DNAH10: variants seen among roughly 807,000 people sequenced by gnomAD.
DNAH10 encodes the protein axonemal beta dynein heavy chain 10.
In DNAH10, 348 loss-of-function variants were observed where a neutral mutation model predicts 506.6. The observed-to-expected ratio is 0.69, with a 90% confidence interval of 0.63 to 0.75. DNAH10 has a LOEUF of 0.75. Among genes scored for constraint, DNAH10 ranks in the 30% least tolerant of loss-of-function variants. The pLI, the probability that DNAH10 is intolerant of heterozygous loss-of-function variation, is 0.00. For synonymous variants in DNAH10, 2,059 were observed against 2,198.6 expected, an observed-to-expected ratio of 0.94 and a Z score of 1.78; for missense variants, 5,179 against 5,787.1, an observed-to-expected ratio of 0.89 and a Z score of 3.41.
At chr12:123,911,031 C>A (rs944737494) in intron 59 of DNAH10, among the ~76,000 whole-genome samples, 3 of 151,574 alleles carry the variant, frequency 2.0e-5, no homozygotes, top group Non-Finnish European at 2.9e-5. Context: ...CATAGTGAGA[C>A]CCTGTCTCTA....
At position 123,848,853 on chromosome 12, in the gene DNAH10, G is replaced by T. The variant is rs1951055824; in HGVS notation, c.6073G>T (p.Ala2025Ser). ...ISSQIQTIRN[A>S]LIHQLTTFQF... ...CTCCCAGATCCAGACGATCCGAAAT[G>T]CTCTGATCCATCAGTTAACCACGTT... The change falls in exon 34 of 79, where the codon GCT becomes TCT. Residue 2025 changes from alanine (A) to serine (S), a missense_variant. Around this residue, in one of 3 missense-constraint regions of DNAH10, gnomAD observed 4,844 missense variants for 5,430.5 expected, o/e 0.89. Transcript: ENST00000673944. 6.2e-7 allele frequency: 1 copy of T among 1,613,714 alleles called. No individual in the cohort carries two copies. The highest frequency in any genetic ancestry group is 1.3e-5 in the African/African-American group (1 of 74,898).
chr12:123,849,329 A>AG (rs1184991361), intron 34 of DNAH10, among the ~76,000 whole-genome samples: 2 of 152,248 alleles, frequency 1.3e-5, no homozygotes, highest in Admixed American at 1.3e-4. Context: ...AGGTTATCAA[A>AG]GTGAGAAGGC....
intron 71 of DNAH10, 27 bp downstream of exon 71, chr12:123,929,511 A>C: frequency 6.2e-7 from 1 of 1,606,708 alleles, no homozygotes; most frequent in Non-Finnish European, 8.5e-7. Context: ...CTCCTTGGAA[A>C]TGGCTTCCTT....
At position 123,857,151 on chromosome 12, in the gene DNAH10, T is replaced by A. The variant is rs1353202315; in HGVS notation, c.6534T>A (p.Phe2178Leu). The change falls in exon 37 of 79, where the codon TTT becomes TTA. Residue 2178 changes from phenylalanine to leucine, a missense_variant. Around this residue, in one of 3 missense-constraint regions of DNAH10, gnomAD observed 4,844 missense variants for 5,430.5 expected, o/e 0.89. Coordinates refer to ENST00000673944, the MANE Select transcript of DNAH10 (RefSeq NM_001372106.1). ...PLFLGLISDL[F>L]PGLDCPRVRY... ...TCCTTGGTTTGATTTCGGATCTGTT[T>A]CCTGGGCTGGACTGCCCTCGCGTCC... 6.2e-7 allele frequency: 1 copy of A among 1,611,376 alleles called. No individual in the cohort carries two copies. The highest frequency in any genetic ancestry group is 8.5e-7 in the Non-Finnish European group (1 of 1,178,842).
rs746325887 is a variant in DNAH10, at chr12:123,868,052, C to CA, written c.7455dup (p.Arg2486ThrfsTer9). 1.9e-6 allele frequency: 3 copies of CA among 1,613,980 alleles called. No homozygotes were observed. Among genetic ancestry groups the CA allele is most frequent in the Admixed American group, 3.3e-5 (2 of 60,020 alleles). On this transcript the variant is annotated frameshift_variant, in exon 43 of 79. Coordinates refer to ENST00000673944, the MANE Select transcript of DNAH10 (RefSeq NM_001372106.1). LOFTEE classifies it high-confidence loss of function. ...GAAGGATGAAATTTGACGAATATAT[C>CA]AAACGCCTTGCTTCTTTGTCTACTG...
Position 123,916,875 on chromosome 12 carries a change from C to G in DNAH10, c.11002+139C>G. 1 of 1,104,132 alleles carries G rather than the reference C, an allele frequency of 9.1e-7. No homozygotes were observed. The allele number at this position is 1,104,132 out of a possible 1,614,324, so 68.4% of individuals were successfully genotyped here. A position where few individuals can be genotyped will look rare whatever the true frequency, so the allele number is the denominator to read the frequency against. On this transcript the variant is annotated intron_variant, in intron 63 of 78. Coordinates refer to ENST00000673944, the MANE Select transcript of DNAH10 (RefSeq NM_001372106.1). This position sits in a 1 kb window ranked among gnomAD's most constrained non-coding sequence, Gnocchi z 4.6. ...TCATAGGCACATCTGGACTAGTCAG[C>G]TCTTACCAATTAGGTACCACTTAGA...
rs998819946 is a variant in DNAH10 at position 123,822,742 on chromosome 12, TGGTATA to T, written c.4179+1986_4179+1991del. On this transcript the variant is annotated intron_variant, in intron 24 of 78. Transcript: ENST00000673944. ...CAAGCTAGAGACCCTGGAGAGCTGA[TGGTATA>T]GATTCTAGTCTGAGTCCAAGTCCGA... is the stretch of plus-strand genomic sequence containing the variant. Among the ~76,000 whole-genome samples, 11 of 152,294 alleles carry T rather than the reference TGGTATA, an allele frequency of 7.2e-5. No homozygotes were observed. In the East Asian group the frequency reaches 2.1e-3, roughly 29 times the overall value.
At position 123,785,858 on chromosome 12, in the gene DNAH10, T is replaced by G; in HGVS notation, c.1343T>G (p.Met448Arg). The G allele has an allele frequency of 6.2e-7, 1 of 1,614,190 alleles. No individual in the cohort carries two copies. Among genetic ancestry groups the G allele is most frequent in the Non-Finnish European group, 8.5e-7 (1 of 1,180,020 alleles). The change falls in exon 9 of 79, where the codon ATG becomes AGG. Residue 448 changes from methionine to arginine, a missense_variant. This residue lies in a region of DNAH10 where 4,844 missense variants were observed against 5,430.5 expected (regional missense o/e 0.89). Coordinates refer to ENST00000673944, the MANE Select transcript of DNAH10 (RefSeq NM_001372106.1). The surrounding 1 kb of genome is among the most constrained non-coding windows in gnomAD (Gnocchi z 4.1). ...CGACACTACAACAAAGACGAGAGGA[T>G]GATTCCGCTCATGGAGCGCATCGCC... ...ISRHYNKDER[M>R]IPLMERIAWE...
Position 123,928,978 on chromosome 12 carries a change from GTCTCTC to G in DNAH10, c.12307-285_12307-280del. On this transcript the variant is annotated intron_variant, in intron 70 of 78. Transcript: ENST00000673944. This position sits in a 1 kb window ranked among gnomAD's most constrained non-coding sequence, Gnocchi z 4.9. ...TTTTGGAAAGGTTTTGTCATTCTCT[GTCTCTC>G]TCTCTCTCTCTGGGGAGGTGGAGGG... The G allele has an allele frequency of 2.1e-6, 1 of 468,016 alleles. No homozygotes were observed. The highest frequency in any genetic ancestry group is 2.0e-5 in the African/African-American group (1 of 49,974). 29.0% of individuals were successfully genotyped at this position (468,016 alleles called of 1,614,324 possible).
At chr12:123,838,208 CCTT>C (rs1454240637) in intron 28 of DNAH10, among the ~76,000 whole-genome samples, 1 of 152,180 alleles carries the variant, frequency 6.6e-6, no homozygotes, top group Non-Finnish European at 1.5e-5. Flanking sequence ...GCGCAGCTGG[CCTT>C]CTTACGGGAT....
intron 39 of DNAH10, among the ~76,000 whole-genome samples, chr12:123,863,200 A>T (rs1390124637): frequency 6.6e-6 from 1 of 152,216 alleles, no homozygotes. Flanking sequence ...TGTCCTGTGG[A>T]GATGGGCTTT....
intron 41 of DNAH10, among the ~76,000 whole-genome samples, chr12:123,866,657 C>T (rs1035669294): frequency 2.6e-5 from 4 of 152,194 alleles, no homozygotes; most frequent in Non-Finnish European, 5.9e-5. Flanking sequence ...TAGTAAATGT[C>T]TGAGGCTTTG....
chr12:123,869,733 C>T (rs1951952214), intron 43 of DNAH10, among the ~76,000 whole-genome samples: 2 of 152,224 alleles, frequency 1.3e-5, no homozygotes, highest in South Asian at 4.1e-4. Context: ...CTCCTCGCTC[C>T]ATCTGAGTTT....
At position 123,787,832 on chromosome 12, in the gene DNAH10, A is replaced by C; in HGVS notation, c.1450A>C (p.Thr484Pro). 6.2e-7 allele frequency: 1 copy of C among 1,613,986 alleles called. No individual in the cohort carries two copies. Residue 484 changes from threonine to proline, a missense_variant, in exon 10 of 79, where the codon ACC becomes CCC. Thr to Pro is a conservative substitution (Grantham distance 38). Transcript: ENST00000673944. This position sits in a 1 kb window ranked among gnomAD's most constrained non-coding sequence, Gnocchi z 4.6. ...KENRASAQSK[T>P]LEARNTLRLW... ...AAATCGAGCGAGTGCCCAAAGCAAA[A>C]CCTTGGAAGCCAGGAACACCCTCAG...
intron 59 of DNAH10, among the ~76,000 whole-genome samples, chr12:123,912,646 A>G (rs1293650807): frequency 6.6e-6 from 1 of 152,208 alleles, no homozygotes; most frequent in Non-Finnish European, 1.5e-5. Flanking sequence ...ACCGCAGTTG[A>G]GAGCAGCGGG....
intron 65 of DNAH10, among the ~76,000 whole-genome samples, chr12:123,922,264 TG>T (rs375733522): frequency 2.0e-5 from 3 of 151,434 alleles, no homozygotes; most frequent in East Asian, 2.0e-4. Flanking sequence ...TCCCAGCTAC[TG>T]GGGGGGAGGC....
chr12:123,809,970 C>T (rs11830522), intron 19 of DNAH10, among the ~76,000 whole-genome samples: 2,483 of 152,222 alleles, frequency 0.016, 77 homozygotes, highest in African/African-American at 0.056. Context: ...CTCTCTCTCC[C>T]GTCACCCCCC....
chr12:123,856,769 A>G (rs1951408119), intron 36 of DNAH10, among the ~76,000 whole-genome samples: 1 of 147,656 alleles, frequency 6.8e-6, no homozygotes. Context: ...AAAATAAAAA[A>G]TAAAATTATA....
rs1337212684 is a variant in DNAH10, at chr12:123,762,746, A to G, written c.214+196A>G. Among the ~76,000 whole-genome samples the G allele has an allele frequency of 6.6e-6, 1 of 152,202 alleles. No individual in the cohort carries two copies. The highest frequency in any genetic ancestry group is 1.5e-5 in the Non-Finnish European group (1 of 68,020). ...CAGCCGTCCCTGCCCTCCTGGGCCC[A>G]CAGCCCACTTGAAAGTCAGGCCTTG... On this transcript the variant is annotated intron_variant, in intron 1 of 78. Coordinates refer to ENST00000673944, the MANE Select transcript of DNAH10 (RefSeq NM_001372106.1). This position sits in a 1 kb window ranked among gnomAD's most constrained non-coding sequence, Gnocchi z 5.0.
Sources: gnomAD v4.1 joint callset for allele counts (sites outside exome capture counted in the v4.1 genomes callset) on GRCh38, gnomAD v4.1.1 for gene constraint, gnomAD v4.1.1 regional missense constraint, Gnocchi (gnomAD v3.1) non-coding constraint, MANE v1.5 for transcripts, NCBI Gene and HGNC (gene_info 2026-07-23, HGNC 2026-07-21) for gene names.